CTNNA1: variants seen among roughly 807,000 people sequenced by gnomAD.
The protein encoded by CTNNA1 is catenin alpha 1, also known as catenin alpha-1.
CTNNA1 carries 37 observed loss-of-function variants against 98.4 expected under a neutral mutation model. The observed-to-expected ratio is 0.38, with a 90% CI of 0.29 to 0.49. The LOEUF (loss-of-function observed/expected upper bound fraction) is 0.49. Among genes scored for constraint, CTNNA1 ranks in the 20% least tolerant of loss-of-function variants. CTNNA1 has a pLI of 0.95. For synonymous variants in CTNNA1, 404 were observed against 413.2 expected, an observed-to-expected ratio of 0.98 and a Z score of 0.27; for missense variants, 761 against 1,147.2, an observed-to-expected ratio of 0.66 and a Z score of 4.86.
intron 4 of CTNNA1, chr5:138,811,916 AGGGAGAGGGAGACCGTG>A (rs1201210421): frequency 9.8e-6 from 3 of 306,872 alleles, no homozygotes; most frequent in African/African-American, 2.3e-5. Flanking sequence ...GTGGAAAGAG[AGGGAGAGGGAGACCGTG>A]GGGAGAGGGA....
intron 7 of CTNNA1, among the ~76,000 whole-genome samples, chr5:138,836,945 T>TA (rs1220633872): frequency 6.6e-6 from 1 of 152,240 alleles, no homozygotes; most frequent in South Asian, 2.1e-4. Context: ...TCACAAAGTT[T>TA]AAAAAACTTA....
At chr5:138,905,065 G>A (rs1283898151) in intron 10 of CTNNA1, among the ~76,000 whole-genome samples, 2 of 145,766 alleles carry the variant, frequency 1.4e-5, no homozygotes, top group African/African-American at 5.2e-5. Flanking sequence ...CTACACTCCA[G>A]CCTGGGCGAC....
chr5:138,933,685 C>T, intron 17 of CTNNA1, 117 bp from the exon 18 acceptor site: 6 of 1,066,626 alleles, frequency 5.6e-6, no homozygotes, highest in Non-Finnish European at 8.0e-6. Context: ...CCTCTGCGAC[C>T]TGCCCAGGCC....
intron 9 of CTNNA1, among the ~76,000 whole-genome samples, chr5:138,894,281 C>CTTTTTTTTTTTT (rs539073038): frequency 1.4e-4 from 17 of 123,930 alleles, no homozygotes; most frequent in Non-Finnish European, 1.6e-4. Flanking sequence ...TTTTCTTTCT[C>CTTTTTTTTTTTT]TTTTTTTTTT....
intron 11 of CTNNA1, 126 bp from the exon 12 acceptor site, chr5:138,924,384 G>C: frequency 1.2e-6 from 1 of 813,932 alleles, no homozygotes; most frequent in East Asian, 2.7e-5. Context: ...CTCCAATGAA[G>C]TATATGTAAA....
intron 3 of CTNNA1, among the ~76,000 whole-genome samples, chr5:138,800,470 C>T: frequency 6.6e-6 from 1 of 152,038 alleles, no homozygotes; most frequent in East Asian, 1.9e-4. Context: ...CTTCTGCTGA[C>T]CAAGAGAAGG....
intron 3 of CTNNA1, among the ~76,000 whole-genome samples, chr5:138,809,010 G>C (rs547465049): frequency 1.3e-5 from 2 of 152,036 alleles, no homozygotes; most frequent in Non-Finnish European, 2.9e-5. Flanking sequence ...AAAGAGACAG[G>C]GTCTTGTTCT....
chr5:138,877,715 G>A (rs1395218962), intron 7 of CTNNA1, among the ~76,000 whole-genome samples: 1 of 152,140 alleles, frequency 6.6e-6, no homozygotes, highest in Non-Finnish European at 1.5e-5. Context: ...CCAAAGTGCT[G>A]GGATTACAGG....
intron 7 of CTNNA1, among the ~76,000 whole-genome samples, chr5:138,844,326 T>C (rs984402841): frequency 2.0e-5 from 3 of 152,170 alleles, no homozygotes. Context: ...TTCTGTCTTG[T>C]ATAGTACGAA....
chr5:138,807,916 T>A (rs1307292768), intron 3 of CTNNA1, among the ~76,000 whole-genome samples: 1 of 151,896 alleles, frequency 6.6e-6, no homozygotes, highest in African/African-American at 2.4e-5. Flanking sequence ...CCTGGCTATT[T>A]TTTTGTATTT....
intron 13 of CTNNA1, 34 bp downstream of exon 13, chr5:138,925,441 T>G (rs2150296455): frequency 6.2e-7 from 1 of 1,602,432 alleles, no homozygotes; most frequent in East Asian, 2.2e-5. Flanking sequence ...CTTAACAGCT[T>G]CTTTCTTATC....
At chr5:138,846,282 A>C (rs1181108421) in intron 7 of CTNNA1, among the ~76,000 whole-genome samples, 2 of 152,242 alleles carry the variant, frequency 1.3e-5, no homozygotes, top group Non-Finnish European at 2.9e-5. Flanking sequence ...AGGAGATGAT[A>C]AAATGCTCTA....
At position 138,874,972 on chromosome 5, in the gene CTNNA1, T is replaced by G. The variant is rs1751172844; in HGVS notation, c.1063-11240T>G. On this transcript the variant is annotated intron_variant, in intron 7 of 17. Transcript: ENST00000302763. The surrounding 1 kb of genome is among the most constrained non-coding windows in gnomAD (Gnocchi z 4.1). Reference sequence around the variant, plus strand: ...GTTGTTAGACTCAACGCAGTGAGTCTGTAAAAGGCTCTAACATGTAGGAGC... The same window carrying G: ...GTTGTTAGACTCAACGCAGTGAGTCGGTAAAAGGCTCTAACATGTAGGAGC... 2 of 1,590,636 alleles carry G rather than the reference T, an allele frequency of 1.3e-6. No homozygotes were observed. Among genetic ancestry groups the G allele is most frequent in the African/African-American group, 1.3e-5 (1 of 74,478 alleles).
At chr5:138,907,959 C>T (rs1235575964) in intron 10 of CTNNA1, among the ~76,000 whole-genome samples, 1 of 151,402 alleles carries the variant, frequency 6.6e-6, no homozygotes, top group Non-Finnish European at 1.5e-5. Flanking sequence ...CCCCATGCCC[C>T]CCATCCGCCC....
chr5:138,834,910 T>G (rs1170778532), intron 7 of CTNNA1, among the ~76,000 whole-genome samples: 2 of 152,098 alleles, frequency 1.3e-5, no homozygotes, highest in African/African-American at 2.4e-5. Flanking sequence ...TTATCATTAG[T>G]TCTTATAGGT....
chr5:138,759,961 C>T (rs1034072131), intron 1 of CTNNA1, among the ~76,000 whole-genome samples: 2 of 147,706 alleles, frequency 1.4e-5, no homozygotes, highest in African/African-American at 5.0e-5. Flanking sequence ...ATCTGGAATC[C>T]TCTCCCAGAA....
intron 9 of CTNNA1, among the ~76,000 whole-genome samples, chr5:138,897,160 G>C (rs1756997771): frequency 1.3e-5 from 2 of 151,946 alleles, no homozygotes; most frequent in South Asian, 4.2e-4. Context: ...TCCAGACCTT[G>C]TATTAAAATG....
Position 138,873,634 on chromosome 5 carries a change from A to G in CTNNA1, c.1063-12578A>G. On this transcript the variant is annotated intron_variant, in intron 7 of 17. Transcript: ENST00000302763. This position sits in a 1 kb window ranked among gnomAD's most constrained non-coding sequence, Gnocchi z 6.1. ...GGGCGCTGCATTCCCACAGATTGCC[A>G]GAGAGACCAACGGTTGTGAGGGATC... 7.4e-6 allele frequency: 12 copies of G among 1,614,066 alleles called. No individual in the cohort carries two copies. Among genetic ancestry groups the G allele is most frequent in the Non-Finnish European group, 1.0e-5 (12 of 1,179,900 alleles).
At chr5:138,804,167 A>G (rs1180274606) in intron 3 of CTNNA1, among the ~76,000 whole-genome samples, 1 of 152,254 alleles carries the variant, frequency 6.6e-6, no homozygotes, top group Non-Finnish European at 1.5e-5. Context: ...CACATCGTGC[A>G]GAGGAGGAAA....
Sources: allele counts gnomAD v4.1 joint callset (sites outside exome capture counted in the v4.1 genomes callset), GRCh38; gene constraint gnomAD v4.1.1; non-coding constraint Gnocchi (gnomAD v3.1); transcripts MANE v1.5; gene names NCBI Gene and HGNC (gene_info 2026-07-23, HGNC 2026-07-21).